Variants in FRMD4A observed in about 807,000 individuals in gnomAD.
The protein encoded by FRMD4A is FERM domain-containing protein 4A.
FRMD4A carries 29 observed loss-of-function variants against 129.1 expected under a neutral mutation model. That is an observed-to-expected ratio of 0.22 (90% CI 0.17 to 0.31). The LOEUF is 0.31. Ranked by LOEUF, FRMD4A falls within the 10% of genes least tolerant of loss-of-function variation. The pLI is 1.00. For missense variants in FRMD4A, 1,272 were observed against 1,375.8 expected (o/e 0.92, Z 1.19); for synonymous variants, 634 against 571.6 (o/e 1.11, Z -1.56).
chr10:14,245,996 C>T (rs1256687442), intron 2 of FRMD4A, among the ~76,000 whole-genome samples: 1 of 152,172 alleles, frequency 6.6e-6, no homozygotes, highest in African/African-American at 2.4e-5. Flanking sequence ...CAGAACCTCC[C>T]TCCGTCATCT....
At chr10:14,276,564 C>T (rs887806554) in intron 2 of FRMD4A, among the ~76,000 whole-genome samples, 2 of 152,240 alleles carry the variant, frequency 1.3e-5, no homozygotes, top group African/African-American at 4.8e-5. Flanking sequence ...CAATTTGCCA[C>T]TTTGGCCCTC....
At chr10:13,791,632 A>G (rs573426192) in intron 5 of FRMD4A, among the ~76,000 whole-genome samples, 29 of 152,334 alleles carry the variant, frequency 1.9e-4, no homozygotes, top group African/African-American at 6.7e-4. Context: ...GCCTGAGAAC[A>G]GGGTTTATCA....
chr10:13,775,741 A>G (rs888107130), intron 6 of FRMD4A, among the ~76,000 whole-genome samples: 18 of 152,148 alleles, frequency 1.2e-4, no homozygotes, highest in African/African-American at 4.3e-4. Flanking sequence ...TCTAAGAGGG[A>G]GGTCCTGGAA....
chr10:13,845,113 T>G (rs184537400), intron 3 of FRMD4A, among the ~76,000 whole-genome samples: 1 of 152,350 alleles, frequency 6.6e-6, no homozygotes, highest in Non-Finnish European at 1.5e-5. Context: ...ACGCAACCAT[T>G]GAAATCATGT....
intron 3 of FRMD4A, among the ~76,000 whole-genome samples, chr10:13,818,165 T>C (rs560241789): frequency 1.7e-4 from 26 of 152,228 alleles, no homozygotes; most frequent in Non-Finnish European, 3.4e-4. Flanking sequence ...ATTTATGTTA[T>C]TATTATTATT....
chr10:14,317,959 C>G (rs531189283), intron 2 of FRMD4A, among the ~76,000 whole-genome samples: 1 of 152,048 alleles, frequency 6.6e-6, no homozygotes, highest in Non-Finnish European at 1.5e-5. Context: ...AAAGGACCTC[C>G]GCTTCAAATT....
At chr10:13,884,146 T>A (rs11258697) in intron 2 of FRMD4A, among the ~76,000 whole-genome samples, 10,914 of 98,030 alleles carry the variant, frequency 0.11, 742 homozygotes, top group East Asian at 0.15. Context: ...ACACACACTC[T>A]CACACACTCT....
chr10:14,173,225 T>C (rs1302089138), intron 2 of FRMD4A, among the ~76,000 whole-genome samples: 1 of 152,204 alleles, frequency 6.6e-6, no homozygotes, highest in Non-Finnish European at 1.5e-5. Flanking sequence ...AAACTTTGGA[T>C]CTATCCATTT....
chr10:14,254,862 G>C (rs1844556981), intron 2 of FRMD4A, among the ~76,000 whole-genome samples: 1 of 152,120 alleles, frequency 6.6e-6, no homozygotes, highest in Admixed American at 6.5e-5. Flanking sequence ...GGAAGAGCTT[G>C]TACAAATGTT....
chr10:13,900,284 T>A (rs2094804799), intron 2 of FRMD4A, among the ~76,000 whole-genome samples: 1 of 152,232 alleles, frequency 6.6e-6, no homozygotes, highest in African/African-American at 2.4e-5. Context: ...CCAACAGCTC[T>A]GTCATTTGAA....
chr10:13,706,890 T>C, intron 13 of FRMD4A, 147 bp downstream of exon 13: 1 of 595,712 alleles, frequency 1.7e-6, no homozygotes, highest in Non-Finnish European at 3.0e-6. Flanking sequence ...AGTTTCACTG[T>C]CTGATTTGAG....
intron 12 of FRMD4A, among the ~76,000 whole-genome samples, chr10:13,730,158 C>T (rs757422122): frequency 2.6e-4 from 40 of 152,260 alleles, no homozygotes; most frequent in Non-Finnish European, 5.3e-4. Flanking sequence ...GGCAGATTGT[C>T]CCAGAGATTA....
chr10:13,988,345 T>A (rs542447506), intron 2 of FRMD4A, among the ~76,000 whole-genome samples: 1 of 152,312 alleles, frequency 6.6e-6, no homozygotes, highest in Admixed American at 6.5e-5. Context: ...GAGGAAGAGA[T>A]CCTTTTAGAG....
chr10:13,974,657 C>T (rs11258768), intron 2 of FRMD4A, among the ~76,000 whole-genome samples: 51,820 of 151,886 alleles, frequency 0.34, 9,211 homozygotes, highest in East Asian at 0.6. Flanking sequence ...CTCCCGAGTA[C>T]CTGGGATTAC....
chr10:13,750,759 A>C (rs1285433727), intron 8 of FRMD4A, among the ~76,000 whole-genome samples: 1 of 152,174 alleles, frequency 6.6e-6, no homozygotes, highest in Non-Finnish European at 1.5e-5. Context: ...CCTGGGTTTG[A>C]TCCAGGAGGC....
intron 2 of FRMD4A, among the ~76,000 whole-genome samples, chr10:14,129,584 C>T (rs1415471167): frequency 1.3e-5 from 2 of 151,702 alleles, no homozygotes; most frequent in African/African-American, 4.8e-5. Context: ...GGGAGGCCCG[C>T]CCCTGGAAAC....
chr10:14,284,731 T>C (rs897200246), intron 2 of FRMD4A, among the ~76,000 whole-genome samples: 2 of 152,240 alleles, frequency 1.3e-5, no homozygotes, highest in East Asian at 3.8e-4. Flanking sequence ...GTGTAGTGAC[T>C]GTAAAACTTG....
In FRMD4A at chr10:14,221,757, G is replaced by A. The variant is rs1284471878; in HGVS notation, c.45+108301C>T. The stretch of plus-strand genomic sequence containing the variant: ...TTTTTTAGAGATGGGGTCTCACTAT[G>A]TTGCCCAGGCTGATCTCAAGCTCCT... On this transcript the variant is annotated intron_variant, in intron 2 of 24. Coordinates refer to ENST00000357447, the MANE Select transcript of FRMD4A (RefSeq NM_018027.5). 2.0e-5 allele frequency among the ~76,000 whole-genome samples: 3 copies of A among 151,552 alleles called. No individual in the cohort carries two copies. In the East Asian group the frequency reaches 5.8e-4, roughly 29 times the overall value.
At chr10:13,719,853 A>C (rs1453426149) in intron 12 of FRMD4A, among the ~76,000 whole-genome samples, 2 of 152,212 alleles carry the variant, frequency 1.3e-5, no homozygotes, top group African/African-American at 4.8e-5. Flanking sequence ...AATTCACTCA[A>C]GATATCCTCA....
Sources: gnomAD v4.1 joint callset for allele counts (sites outside exome capture counted in the v4.1 genomes callset) on GRCh38, gnomAD v4.1.1 for gene constraint, MANE v1.5 for transcripts, NCBI Gene and HGNC (gene_info 2026-07-23, HGNC 2026-07-21) for gene names.